Variants in SPMIP9 observed in about 807,000 individuals in gnomAD.
SPMIP9 encodes the protein protein SPMIP9.
At chr2:88,529,415 C>T in the SPMIP9 span, 3 of 1,613,908 alleles carry the variant, frequency 1.9e-6, no homozygotes, top group Admixed American at 5.0e-5. Flanking sequence ...TCTTCATTGC[C>T]ATATAGTCAA....
chr2:88,525,370 A>C, the SPMIP9 span, among the ~76,000 whole-genome samples: 1 of 152,198 alleles, frequency 6.6e-6, no homozygotes, highest in Non-Finnish European at 1.5e-5. Context: ...TATACCTCTC[A>C]AACAGTAAAC....
At chr2:88,529,002 CA>C in the SPMIP9 span, 37 of 1,550,728 alleles carry the variant, frequency 2.4e-5, 1 homozygote, top group Admixed American at 3.8e-5. Flanking sequence ...AAAGCTACAT[CA>C]TCTCTTGTCT....
the SPMIP9 span, among the ~76,000 whole-genome samples, chr2:88,527,013 A>C: frequency 6.6e-6 from 1 of 152,230 alleles, no homozygotes; most frequent in Non-Finnish European, 1.5e-5. Context: ...TGCATACAAA[A>C]AATTGTAAAT....
the SPMIP9 span, among the ~76,000 whole-genome samples, chr2:88,527,445 C>A: frequency 6.6e-6 from 1 of 151,916 alleles, no homozygotes; most frequent in Non-Finnish European, 1.5e-5. Context: ...CTCTATCCCC[C>A]CCAAAAAAAT....
At chr2:88,526,531 A>G in the SPMIP9 span, 5 of 1,502,758 alleles carry the variant, frequency 3.3e-6, no homozygotes, top group African/African-American at 5.5e-5. Context: ...CATTCAATCA[A>G]CTGCCTACTG....
the SPMIP9 span, chr2:88,526,402 T>G: frequency 1.2e-6 from 2 of 1,610,496 alleles, no homozygotes; most frequent in East Asian, 4.5e-5. Flanking sequence ...CCTTGTGCTT[T>G]AGGACCCTGT....
chr2:88,528,285 G>A, the SPMIP9 span, among the ~76,000 whole-genome samples: 2 of 151,868 alleles, frequency 1.3e-5, no homozygotes, highest in African/African-American at 4.8e-5. Flanking sequence ...TTACAGGCAT[G>A]CACCACGACA....
the SPMIP9 span, chr2:88,526,542 A>C: frequency 7.0e-7 from 1 of 1,435,614 alleles, no homozygotes; most frequent in Non-Finnish European, 9.8e-7. Flanking sequence ...CTGCCTACTG[A>C]AATCCTCTCT....
At chr2:88,526,962 G>A in the SPMIP9 span, among the ~76,000 whole-genome samples, 254 of 150,972 alleles carry the variant, frequency 1.7e-3, 1 homozygote, top group South Asian at 6.0e-3. Flanking sequence ...CACCGTGGCC[G>A]GCCATGTGTG....
the SPMIP9 span, chr2:88,526,463 G>A: frequency 6.2e-7 from 1 of 1,614,094 alleles, no homozygotes; most frequent in Non-Finnish European, 8.5e-7. Flanking sequence ...CAGCCCTACA[G>A]GAAGCACAAA....
the SPMIP9 span, chr2:88,525,786 G>A: frequency 9.6e-7 from 1 of 1,036,560 alleles, no homozygotes; most frequent in Non-Finnish European, 1.4e-6. Flanking sequence ...TGATAGTTTT[G>A]GGTTTTGTGG....
the SPMIP9 span, chr2:88,528,988 A>T: frequency 6.5e-7 from 1 of 1,529,320 alleles, no homozygotes; most frequent in Non-Finnish European, 8.8e-7. Flanking sequence ...GGATGCTTCC[A>T]AGAAAAGCTA....
chr2:88,524,747 G>A, the SPMIP9 span: 1 of 152,330 alleles, frequency 6.6e-6, no homozygotes, highest in Non-Finnish European at 1.5e-5. Context: ...CTGTCTGCGT[G>A]GCAGCTGGTC....
At chr2:88,527,584 T>A in the SPMIP9 span, among the ~76,000 whole-genome samples, 4 of 152,350 alleles carry the variant, frequency 2.6e-5, no homozygotes, top group Non-Finnish European at 4.4e-5. Context: ...TGCTAAACAT[T>A]ATGGCATATT....
the SPMIP9 span, chr2:88,529,286 GC>G: frequency 2.5e-6 from 4 of 1,614,126 alleles, no homozygotes; most frequent in Non-Finnish European, 3.4e-6. Flanking sequence ...TCTGCACCTG[GC>G]CCAGGGTGAC....
the SPMIP9 span, chr2:88,529,482 G>A: frequency 6.2e-7 from 1 of 1,604,624 alleles, no homozygotes; most frequent in Admixed American, 1.7e-5. Context: ...TAGGAAGGAT[G>A]AAAATACCTT....
chr2:88,528,173 T>C, the SPMIP9 span, among the ~76,000 whole-genome samples: 6 of 151,106 alleles, frequency 4.0e-5, no homozygotes, highest in Admixed American at 2.6e-4. Flanking sequence ...AGTCTGGCTC[T>C]GTTGCCCAGG....
the SPMIP9 span, among the ~76,000 whole-genome samples, chr2:88,525,274 G>A: frequency 6.6e-6 from 1 of 152,186 alleles, no homozygotes; most frequent in African/African-American, 2.4e-5. Context: ...CACAGAAATT[G>A]GCAGATGCTA....
the SPMIP9 span, among the ~76,000 whole-genome samples, chr2:88,527,365 A>G: frequency 6.6e-6 from 1 of 152,098 alleles, no homozygotes; most frequent in African/African-American, 2.4e-5. Context: ...TTGTTGGTGC[A>G]CGCTTGTATT....
Sources: allele counts gnomAD v4.1 joint callset (sites outside exome capture counted in the v4.1 genomes callset), GRCh38; gene constraint gnomAD v4.1.1; transcripts MANE v1.5; gene names NCBI Gene and HGNC (gene_info 2026-07-23, HGNC 2026-07-21).